Variants in EDDM13 observed in about 807,000 individuals in gnomAD.
EDDM13 encodes the protein epididymal protein 13.
A neutral mutation model predicts 17.8 loss-of-function variants in EDDM13; 24 were observed. That is an observed-to-expected ratio of 1.35 (90% CI 0.98 to 1.90). The LOEUF is 1.90. Among genes scored for constraint, EDDM13 ranks in the 40% most tolerant of loss-of-function variants. EDDM13 has a pLI of 0.00. For synonymous variants in EDDM13, 31 were observed against 37.5 expected, an observed-to-expected ratio of 0.83 and a Z score of 0.63; for missense variants, 97 against 100.8, an observed-to-expected ratio of 0.96 and a Z score of 0.16.
chr19:56,304,318 G>C (rs2040542401), intron 13 of EDDM13, among the ~76,000 whole-genome samples: 1 of 152,218 alleles, frequency 6.6e-6, no homozygotes, highest in African/African-American at 2.4e-5. Context: ...AGTGACTTCA[G>C]TTATGCTAGT....
At chr19:56,300,798 C>T (rs758824433) in intron 12 of EDDM13, among the ~76,000 whole-genome samples, 24 of 149,058 alleles carry the variant, frequency 1.6e-4, no homozygotes, top group South Asian at 6.5e-4. Context: ...GACAGGTTTA[C>T]GTGTAAAAAA....
intron 2 of EDDM13, among the ~76,000 whole-genome samples, chr19:56,277,023 C>CAAAG (rs2038316645): frequency 1.3e-5 from 2 of 151,974 alleles, no homozygotes; most frequent in Non-Finnish European, 2.9e-5. Context: ...AAATGGAAGC[C>CAAAG]AAAGCCACAG....
chr19:56,301,483 C>T (rs2040227837), intron 12 of EDDM13, among the ~76,000 whole-genome samples: 1 of 152,152 alleles, frequency 6.6e-6, no homozygotes, highest in Non-Finnish European at 1.5e-5. Context: ...GAATCGCTAT[C>T]TTGGTTTCGG....
intron 8 of EDDM13, among the ~76,000 whole-genome samples, 189 bp from the exon 9 acceptor site, chr19:56,290,652 A>C (rs1038168595): frequency 2.6e-5 from 4 of 152,176 alleles, no homozygotes; most frequent in Non-Finnish European, 4.4e-5. Flanking sequence ...TGAGCCCAGG[A>C]GTTTAAGATC....
intron 4 of EDDM13, chr19:56,283,273 T>C (rs1480585919): frequency 1.3e-5 from 2 of 151,402 alleles, no homozygotes; most frequent in African/African-American, 4.9e-5. Flanking sequence ...TTATTATTAT[T>C]ACGTACTTCA....
intron 14 of EDDM13, among the ~76,000 whole-genome samples, chr19:56,307,292 ATAC>A (rs2040752714): frequency 6.6e-6 from 1 of 152,180 alleles, no homozygotes; most frequent in Non-Finnish European, 1.5e-5. Flanking sequence ...CAACTCGATC[ATAC>A]GATATACCCC....
chr19:56,273,249 T>C (rs576607972), intron 1 of EDDM13, among the ~76,000 whole-genome samples: 9 of 152,228 alleles, frequency 5.9e-5, no homozygotes, highest in South Asian at 2.1e-4. Context: ...TTGCATGTCA[T>C]TGACGAGCTT....
chr19:56,295,493 G>A (rs2039808801), intron 9 of EDDM13, among the ~76,000 whole-genome samples: 1 of 152,098 alleles, frequency 6.6e-6, no homozygotes, highest in Non-Finnish European at 1.5e-5. Context: ...TACTCAGGAG[G>A]CTGAGGCAGG....
Position 56,310,236 on chromosome 19 carries a change from C to T in EDDM13, c.*88C>T. On this transcript the variant is annotated 3_prime_UTR_variant, in exon 15 of 15. Transcript: ENST00000649256. ...TGAAGAAAGCTCTCTGTCCCCTGGACTGCCTGTGTGGAGGGTAATGAACTG... is the reference window on the plus strand; with the variant it reads ...TGAAGAAAGCTCTCTGTCCCCTGGATTGCCTGTGTGGAGGGTAATGAACTG... 6.6e-6 allele frequency: 1 copy of T among 152,418 alleles called. No individual in the cohort carries two copies. Among genetic ancestry groups the T allele is most frequent in the Admixed American group, 6.5e-5 (1 of 15,312 alleles). The allele number at this position is 152,418 out of a possible 1,614,324, so 9.4% of individuals were successfully genotyped here. A position where few individuals can be genotyped will look rare whatever the true frequency, so the allele number is the denominator to read the frequency against.
intron 9 of EDDM13, among the ~76,000 whole-genome samples, chr19:56,292,478 T>C (rs534004651): frequency 1.7e-4 from 26 of 151,970 alleles, no homozygotes; most frequent in African/African-American, 6.0e-4. Context: ...TTTTACTTTT[T>C]TGTTTTGCTT....
At chr19:56,296,088 C>T (rs929430338) in intron 10 of EDDM13, 121 bp downstream of exon 10, 3 of 152,380 alleles carry the variant, frequency 2.0e-5, no homozygotes, top group Admixed American at 2.0e-4. Context: ...CTCACACCCT[C>T]ACGTCAACTC....
At chr19:56,286,124 C>A (rs988532523) in intron 6 of EDDM13, among the ~76,000 whole-genome samples, 7 of 152,068 alleles carry the variant, frequency 4.6e-5, no homozygotes, top group Admixed American at 6.5e-5. Flanking sequence ...CGGGTTCAAG[C>A]GATTCTCCTG....
chr19:56,290,044 C>T (rs1270376218), intron 8 of EDDM13, among the ~76,000 whole-genome samples: 2 of 152,180 alleles, frequency 1.3e-5, no homozygotes, highest in Non-Finnish European at 2.9e-5. Flanking sequence ...TCAAATGGAA[C>T]CCAAGTTATA....
intron 6 of EDDM13, among the ~76,000 whole-genome samples, chr19:56,286,070 G>A (rs1480083570): frequency 1.3e-5 from 2 of 152,248 alleles, no homozygotes; most frequent in South Asian, 2.1e-4. Flanking sequence ...TGCCCAGGCT[G>A]GAGTGCAGTG....
rs1378885043 is a variant in EDDM13, at chr19:56,302,562, CCCTTCCTTT to C, written c.423+468_423+476del. On this transcript the variant is annotated intron_variant, in intron 13 of 14. Transcript: ENST00000649256. The stretch of plus-strand genomic sequence containing the variant: ...TCCTCCCCGTTCCTCCCTCCCTCCC[CCCTTCCTTT>C]TCTTCCTCCCCCTTTTCTTCCTCTC... Among the ~76,000 whole-genome samples, 576 of 88,360 alleles carry C rather than the reference CCCTTCCTTT, an allele frequency of 6.5e-3. 4 individuals carry two copies. The highest frequency in any genetic ancestry group is 0.011 in the East Asian group (31 of 2,798). The allele number at this position is 88,360 out of a possible 152,430, so 58.0% of individuals were successfully genotyped here.
intron 13 of EDDM13, among the ~76,000 whole-genome samples, chr19:56,302,595 TCCCTC>T (rs2040391537): frequency 7.7e-4 from 29 of 37,482 alleles, no homozygotes; most frequent in African/African-American, 4.2e-3. Flanking sequence ...TTTCTTCCTC[TCCCTC>T]TTCTTCCTCT....
chr19:56,303,217 C>A (rs1310823089), intron 13 of EDDM13, among the ~76,000 whole-genome samples: 1 of 152,156 alleles, frequency 6.6e-6, no homozygotes, highest in Non-Finnish European at 1.5e-5. Flanking sequence ...CGGTGGCTCA[C>A]GCTTGTCATC....
intron 1 of EDDM13, among the ~76,000 whole-genome samples, chr19:56,273,871 G>C (rs892304400): frequency 6.6e-6 from 1 of 152,180 alleles, no homozygotes; most frequent in Non-Finnish European, 1.5e-5. Context: ...GCGTGTGTGT[G>C]CATGTATGTG....
rs528153036 is a variant in EDDM13 at position 56,288,888 on chromosome 19, G to A, written c.223G>A (p.Glu75Lys). 6.6e-6 allele frequency among the ~76,000 whole-genome samples: 1 copy of A among 152,304 alleles called. No individual in the cohort carries two copies. Among genetic ancestry groups the A allele is most frequent in the Admixed American group, 6.5e-5 (1 of 15,288 alleles). The change falls in exon 8 of 15, where the codon GAA (glutamate) becomes AAA (lysine). Residue 75 changes from glutamate (E) to lysine (K), a missense_variant. Coordinates refer to ENST00000649256, the MANE Select transcript of EDDM13 (RefSeq NM_001354658.2). ...CTAGCCTCCAGATAGGACAGAAGAA[G>A]AAAGTAAGTACTGTGACAGTTTTTG... ...LVSPQDRTEE[E>K]IKKILGLLSL...
Sources: allele counts gnomAD v4.1 joint callset (sites outside exome capture counted in the v4.1 genomes callset), GRCh38; gene constraint gnomAD v4.1.1; transcripts MANE v1.5; gene names NCBI Gene and HGNC (gene_info 2026-07-23, HGNC 2026-07-21).